KIAA1549L: variants seen among roughly 807,000 people sequenced by gnomAD.
KIAA1549L encodes UPF0606 protein KIAA1549L.
KIAA1549L carries 88 observed loss-of-function variants against 160.7 expected under a neutral mutation model. The observed-to-expected ratio is 0.55, with a 90% CI of 0.46 to 0.65. The LOEUF is 0.65. KIAA1549L is among the 30% of genes least tolerant of loss of function. KIAA1549L has a pLI of 0.00. For missense variants in KIAA1549L, 2,258 were observed against 2,437.5 expected, an observed-to-expected ratio of 0.93 and a Z score of 1.55; for synonymous variants, 950 against 976.7, an observed-to-expected ratio of 0.97 and a Z score of 0.51.
chr11:33,654,128 A>G (rs569625071), intron 17 of KIAA1549L, among the ~76,000 whole-genome samples: 2 of 152,140 alleles, frequency 1.3e-5, no homozygotes, highest in South Asian at 2.1e-4. Context: ...GCGTGCCACC[A>G]CGCCCAGCTA....
chr11:33,503,819 C>T (rs1414128408), intron 1 of KIAA1549L, among the ~76,000 whole-genome samples: 2 of 152,316 alleles, frequency 1.3e-5, no homozygotes, highest in African/African-American at 4.8e-5. Flanking sequence ...GAATGTAACC[C>T]TTCAATTATT....
At chr11:33,525,068 G>A (rs1304523570) in intron 1 of KIAA1549L, among the ~76,000 whole-genome samples, 2 of 152,172 alleles carry the variant, frequency 1.3e-5, no homozygotes, top group Admixed American at 1.3e-4. Context: ...TAGGAGACAG[G>A]ACTAACATGC....
chr11:33,422,790 A>C (rs1475120504), intron 1 of KIAA1549L, among the ~76,000 whole-genome samples: 1 of 152,006 alleles, frequency 6.6e-6, no homozygotes, highest in Non-Finnish European at 1.5e-5. Context: ...TGCCATGAAA[A>C]AGAAAAAAAA....
At chr11:33,602,333 A>G (rs1282211487) in intron 13 of KIAA1549L, among the ~76,000 whole-genome samples, 1 of 152,246 alleles carries the variant, frequency 6.6e-6, no homozygotes, top group Non-Finnish European at 1.5e-5. Context: ...CAGAGATACT[A>G]GCTCAAAAAC....
At chr11:33,470,034 A>AT (rs1005007879) in intron 1 of KIAA1549L, among the ~76,000 whole-genome samples, 46 of 151,172 alleles carry the variant, frequency 3.0e-4, no homozygotes, top group East Asian at 1.9e-3. Flanking sequence ...CAATTTATCT[A>AT]TTTTTTTTTC....
intron 15 of KIAA1549L, among the ~76,000 whole-genome samples, chr11:33,611,345 T>C (rs1006716518): frequency 1.3e-5 from 2 of 152,160 alleles, no homozygotes; most frequent in South Asian, 2.1e-4. Flanking sequence ...TAAGTACTTA[T>C]TAAAAGCAAA....
At chr11:33,597,110 G>A (rs1401853928) in intron 12 of KIAA1549L, among the ~76,000 whole-genome samples, 3 of 152,190 alleles carry the variant, frequency 2.0e-5, no homozygotes, top group African/African-American at 4.8e-5. Context: ...TGGGTTAAAC[G>A]AGACCAGATG....
At chr11:33,666,870 G>A (rs1257608592) in intron 20 of KIAA1549L, among the ~76,000 whole-genome samples, 1 of 152,180 alleles carries the variant, frequency 6.6e-6, no homozygotes, top group Non-Finnish European at 1.5e-5. Flanking sequence ...TTCCTCATCT[G>A]CAAGGTAAGG....
chr11:33,644,330 C>G (rs1851661766), intron 16 of KIAA1549L, among the ~76,000 whole-genome samples: 1 of 152,160 alleles, frequency 6.6e-6, no homozygotes, highest in Non-Finnish European at 1.5e-5. Flanking sequence ...GGTAAATATA[C>G]TTTTTAAAAT....
chr11:33,465,129 C>T (rs1852027698), intron 1 of KIAA1549L, among the ~76,000 whole-genome samples: 1 of 139,682 alleles, frequency 7.2e-6, no homozygotes, highest in Non-Finnish European at 1.5e-5. Context: ...GATCTTGGCT[C>T]ACTGCAACCT....
chr11:33,397,710 T>TCACACACACACACA (rs71034679), intron 1 of KIAA1549L, among the ~76,000 whole-genome samples: 1 of 142,944 alleles, frequency 7.0e-6, no homozygotes, highest in Non-Finnish European at 1.5e-5. Context: ...AGACTCCATC[T>TCACACACACACACA]CACACACACA....
At chr11:33,544,715 T>A in intron 2 of KIAA1549L, 52 bp from the exon 3 acceptor site, 1 of 1,537,648 alleles carries the variant, frequency 6.5e-7, no homozygotes, top group Non-Finnish European at 8.8e-7. Context: ...TCAGAACAAG[T>A]GACACGTGCA....
rs1465164933 is a variant in KIAA1549L at position 33,606,709 on chromosome 11, T to C, written c.4948T>C (p.Phe1650Leu). Residue 1650 changes from phenylalanine (F) to leucine (L), a missense_variant, in exon 14 of 21, where the codon TTT becomes CTT. By Grantham distance (22) the Phe-to-Leu change is conservative (BLOSUM62 0). Around this residue, in one of 6 missense-constraint regions of KIAA1549L, gnomAD observed 1,359 missense variants for 1,546.6 expected, o/e 0.88. Coordinates refer to ENST00000658780, the MANE Select transcript of KIAA1549L (RefSeq NM_012194.3). Reference sequence around the variant, plus strand: ...CTCCAGCAAGGTGGCCGCTGAACCCTTTGACACATCTTCTGGGTCTGTGCA... The same window carrying C: ...CTCCAGCAAGGTGGCCGCTGAACCCCTTGACACATCTTCTGGGTCTGTGCA... Reference protein sequence around the residue: ...DNSSKVAAEPFDTSSGSVQLI... With the variant: ...DNSSKVAAEPLDTSSGSVQLI... 2 of 1,613,960 alleles carry C rather than the reference T, an allele frequency of 1.2e-6. No homozygotes were observed.
chr11:33,492,523 C>G (rs551030127), intron 1 of KIAA1549L, among the ~76,000 whole-genome samples: 22 of 152,286 alleles, frequency 1.4e-4, no homozygotes, highest in African/African-American at 4.8e-4. Context: ...TCTCTGTCAT[C>G]TGACTCCAAG....
At chr11:33,476,042 A>C (rs975511362) in intron 1 of KIAA1549L, among the ~76,000 whole-genome samples, 16 of 152,284 alleles carry the variant, frequency 1.1e-4, no homozygotes, top group African/African-American at 3.6e-4. Flanking sequence ...ATGATCTTTT[A>C]AAACCTGGAA....
At chr11:33,530,397 G>A (rs1346245461) in intron 1 of KIAA1549L, among the ~76,000 whole-genome samples, 15 of 120,054 alleles carry the variant, frequency 1.2e-4, no homozygotes, top group Admixed American at 2.9e-4. Context: ...GCGAGACTCC[G>A]TCTAAAGAAG....
At position 33,628,766 on chromosome 11, in the gene KIAA1549L, G is replaced by C. The variant is rs545066020; in HGVS notation, c.5409+10104G>C. On this transcript the variant is annotated intron_variant, in intron 16 of 20. Coordinates refer to ENST00000658780, the MANE Select transcript of KIAA1549L (RefSeq NM_012194.3). The stretch of plus-strand genomic sequence containing the variant: ...TTTGCCAGTCTGTGTCTTTTAATTG[G>C]AGCATTTAGTCCATTTACACTTAAA... Among the ~76,000 whole-genome samples the C allele has an allele frequency of 2.1e-3, 311 of 151,188 alleles. 1 individual carries two copies. Among genetic ancestry groups the C allele is most frequent in the Non-Finnish European group, 1.5e-3 (99 of 67,898 alleles).
At chr11:33,474,634 G>T (rs1017363550) in intron 1 of KIAA1549L, among the ~76,000 whole-genome samples, 1 of 152,194 alleles carries the variant, frequency 6.6e-6, no homozygotes, top group Non-Finnish European at 1.5e-5. Flanking sequence ...TGCCCCTTGG[G>T]CTCCTAACTT....
intron 1 of KIAA1549L, among the ~76,000 whole-genome samples, chr11:33,526,398 C>G (rs922835438): frequency 1.3e-5 from 2 of 152,214 alleles, no homozygotes; most frequent in Non-Finnish European, 2.9e-5. Context: ...AAACTACAAC[C>G]AAGGACTCCC....
Sources: allele counts gnomAD v4.1 joint callset (sites outside exome capture counted in the v4.1 genomes callset), GRCh38; gene constraint gnomAD v4.1.1; regional missense constraint gnomAD v4.1.1; transcripts MANE v1.5; gene names NCBI Gene and HGNC (gene_info 2026-07-23, HGNC 2026-07-21).